Variants in HACE1 observed in about 807,000 individuals in gnomAD.
The protein encoded by HACE1 is HECT domain and ankyrin repeat containing E3 ubiquitin protein ligase 1, also known as E3 ubiquitin-protein ligase HACE1.
Under a neutral mutation model 118.4 loss-of-function variants are expected in HACE1, and 73 were observed. The ratio of observed to expected loss-of-function variants is 0.62; its 90% CI spans 0.51 to 0.75. HACE1 has a LOEUF of 0.75. Ranked by LOEUF, HACE1 falls within the 30% of genes least tolerant of loss-of-function variation. HACE1 has a pLI of 0.00. For missense variants in HACE1, 749 were observed against 1,102.2 expected, an observed-to-expected ratio of 0.68 and a Z score of 4.54; for synonymous variants, 368 against 374.8, an observed-to-expected ratio of 0.98 and a Z score of 0.21.
intron 6 of HACE1, among the ~76,000 whole-genome samples, chr6:104,826,065 G>T (rs1014429938): frequency 6.6e-5 from 10 of 152,204 alleles, no homozygotes; most frequent in African/African-American, 2.4e-4. Flanking sequence ...ATAGGAGCAT[G>T]AACTCTGTTG....
At chr6:104,756,420 AAAAAAAAT>A (rs1214188027) in intron 19 of HACE1, among the ~76,000 whole-genome samples, 13 of 127,782 alleles carry the variant, frequency 1.0e-4, no homozygotes, top group African/African-American at 2.0e-4. Flanking sequence ...TCAAAAAAAA[AAAAAAAAT>A]ATATATATAT....
intron 19 of HACE1, among the ~76,000 whole-genome samples, chr6:104,757,087 G>A (rs1358930764): frequency 6.6e-6 from 1 of 152,178 alleles, no homozygotes; most frequent in Non-Finnish European, 1.5e-5. Flanking sequence ...GTGGCCACTG[G>A]AGCTCAGCAA....
At chr6:104,797,877 T>C (rs1373978754) in intron 7 of HACE1, among the ~76,000 whole-genome samples, 1 of 151,980 alleles carries the variant, frequency 6.6e-6, no homozygotes, top group Non-Finnish European at 1.5e-5. Context: ...CAGACCAGCC[T>C]GGCCAACATG....
intron 4 of HACE1, chr6:104,845,771 C>T (rs1004046924): frequency 1.3e-5 from 2 of 151,984 alleles, no homozygotes; most frequent in Non-Finnish European, 2.9e-5. Flanking sequence ...GCCACCACAC[C>T]CAGCCAACTC....
chr6:104,819,619 G>A (rs1026467918), intron 6 of HACE1, among the ~76,000 whole-genome samples: 9 of 152,048 alleles, frequency 5.9e-5, no homozygotes, highest in Non-Finnish European at 1.3e-4. Flanking sequence ...GAGGCATCAC[G>A]CTACCCAACT....
At chr6:104,800,074 G>A (rs189747967) in intron 7 of HACE1, among the ~76,000 whole-genome samples, 104 of 152,290 alleles carry the variant, frequency 6.8e-4, no homozygotes, top group African/African-American at 2.4e-3. Context: ...GCCTGGCTCA[G>A]CGGGTCCCAT....
intron 7 of HACE1, among the ~76,000 whole-genome samples, chr6:104,800,466 G>T (rs2114902368): frequency 6.6e-6 from 1 of 152,256 alleles, no homozygotes; most frequent in Middle Eastern, 3.4e-3. Flanking sequence ...CCTAGTAGGG[G>T]CAACAGACAC....
In HACE1 at chr6:104,832,976, A is replaced by G; in HGVS notation, c.534+66T>C. ...TGTTCCCAAATATGCACAATGAAAA[A>G]CTTTTCATGAAATCAATTTTAAAAA... On this transcript the variant is annotated intron_variant, in intron 6 of 23. Transcript: ENST00000262903. 4.2e-6 allele frequency: 6 copies of G among 1,431,028 alleles called. 1 individual carries two copies. In the Admixed American group the frequency reaches 6.7e-5, roughly 16 times the overall value. 88.6% of individuals were successfully genotyped at this position (1,431,028 alleles called of 1,614,324 possible).
intron 23 of HACE1, among the ~76,000 whole-genome samples, chr6:104,730,018 G>A (rs1472938815): frequency 6.6e-6 from 1 of 152,154 alleles, no homozygotes; most frequent in Non-Finnish European, 1.5e-5. Flanking sequence ...GGGCAATTTA[G>A]TTTGAAGTGA....
intron 17 of HACE1, among the ~76,000 whole-genome samples, chr6:104,774,504 C>T (rs1305366657): frequency 2.0e-5 from 3 of 152,194 alleles, no homozygotes; most frequent in Admixed American, 6.5e-5. Context: ...CCTCCCTCAG[C>T]CTACCAAGTA....
chr6:104,805,851 A>G (rs547871897), intron 7 of HACE1, among the ~76,000 whole-genome samples: 6 of 151,830 alleles, frequency 4.0e-5, no homozygotes, highest in Middle Eastern at 3.4e-3. Context: ...ACTTAAAAGT[A>G]TAATAATAAT....
intron 4 of HACE1, among the ~76,000 whole-genome samples, chr6:104,848,183 C>T (rs542456976): frequency 2.0e-5 from 3 of 150,652 alleles, no homozygotes; most frequent in South Asian, 2.1e-4. Context: ...AGGCCGGGTG[C>T]GGTGGCTCAC....
At chr6:104,827,498 C>G (rs1773457386) in intron 6 of HACE1, among the ~76,000 whole-genome samples, 1 of 152,218 alleles carries the variant, frequency 6.6e-6, no homozygotes, top group Middle Eastern at 3.4e-3. Context: ...CGGCAAAAAT[C>G]ATTATCATCT....
At chr6:104,782,159 T>C (rs1001294912) in intron 14 of HACE1, among the ~76,000 whole-genome samples, 1 of 152,186 alleles carries the variant, frequency 6.6e-6, no homozygotes, top group Non-Finnish European at 1.5e-5. Context: ...TATTATCTCA[T>C]TTGCCCCAGA....
At chr6:104,737,501 C>A (rs967223423) in intron 22 of HACE1, among the ~76,000 whole-genome samples, 1 of 152,092 alleles carries the variant, frequency 6.6e-6, no homozygotes, top group Non-Finnish European at 1.5e-5. Flanking sequence ...CAGGGCGAGG[C>A]ATTGCCTCAC....
chr6:104,852,767 A>G (rs1374626234), intron 1 of HACE1, among the ~76,000 whole-genome samples: 2 of 152,224 alleles, frequency 1.3e-5, no homozygotes, highest in African/African-American at 4.8e-5. Context: ...AGGTATTTAT[A>G]GGCATCATGT....
intron 1 of HACE1, among the ~76,000 whole-genome samples, chr6:104,852,917 G>C (rs1471601037): frequency 6.6e-6 from 1 of 152,130 alleles, no homozygotes; most frequent in Admixed American, 6.6e-5. Context: ...AATTAGTTTA[G>C]AAGCTTTTAT....
chr6:104,834,800 T>C (rs1337188211), intron 5 of HACE1, among the ~76,000 whole-genome samples: 3 of 152,182 alleles, frequency 2.0e-5, no homozygotes, highest in African/African-American at 4.8e-5. Context: ...CAAGAATCAA[T>C]AGTAAGTACC....
At chr6:104,798,286 A>T (rs1192758605) in intron 7 of HACE1, among the ~76,000 whole-genome samples, 2 of 152,244 alleles carry the variant, frequency 1.3e-5, no homozygotes, top group Admixed American at 1.3e-4. Context: ...TTCACAAAGA[A>T]AAACACTACA....
Sources: gnomAD v4.1 joint callset for allele counts (sites outside exome capture counted in the v4.1 genomes callset) on GRCh38, gnomAD v4.1.1 for gene constraint, MANE v1.5 for transcripts, NCBI Gene and HGNC (gene_info 2026-07-23, HGNC 2026-07-21) for gene names.